The following ROR2 variants were observed in gnomAD, a reference collection of about 807,000 sequenced individuals.
ROR2 encodes the protein tyrosine-protein kinase transmembrane receptor ROR2.
A neutral mutation model predicts 74.9 loss-of-function variants in ROR2; 33 were observed. The observed-to-expected ratio is 0.44, with a 90% confidence interval of 0.33 to 0.59. The LOEUF is 0.59. ROR2 is among the 20% of genes least tolerant of loss of function. The probability of loss-of-function intolerance (pLI) is 0.02; values close to 1 mark genes in which losing one functional copy is unlikely to be tolerated. For missense variants in ROR2, 1,216 were observed against 1,313.8 expected, an observed-to-expected ratio of 0.93 and a Z score of 1.15; for synonymous variants, 586 against 558.7, an observed-to-expected ratio of 1.05 and a Z score of -0.69.
intron 1 of ROR2, among the ~76,000 whole-genome samples, chr9:91,847,566 A>AAC (rs1456566720): frequency 6.6e-6 from 1 of 152,204 alleles, no homozygotes; most frequent in Non-Finnish European, 1.5e-5. Flanking sequence ...CTCATACAGC[A>AAC]ACAGTTCCAG....
intron 1 of ROR2, among the ~76,000 whole-genome samples, chr9:91,831,154 G>A (rs552346176): frequency 2.0e-5 from 3 of 151,896 alleles, no homozygotes; most frequent in South Asian, 2.1e-4. Flanking sequence ...CCACCTACTC[G>A]GGAGGCTGAG....
intron 1 of ROR2, among the ~76,000 whole-genome samples, chr9:91,863,683 T>C (rs550112691): frequency 6.6e-6 from 1 of 152,216 alleles, no homozygotes; most frequent in African/African-American, 2.4e-5. Flanking sequence ...ACTCCGTTTA[T>C]ATGAAATGTC....
intron 1 of ROR2, among the ~76,000 whole-genome samples, chr9:91,796,143 T>G (rs1340520465): frequency 6.6e-6 from 1 of 152,138 alleles, no homozygotes; most frequent in Admixed American, 6.6e-5. Flanking sequence ...ATCTGTATGC[T>G]TCTAAAGAAC....
chr9:91,826,010 T>A (rs982101957), intron 1 of ROR2, among the ~76,000 whole-genome samples: 3 of 152,242 alleles, frequency 2.0e-5, no homozygotes, highest in African/African-American at 7.2e-5. Context: ...ACTGGGTGGC[T>A]TCGCCCCCCT....
In ROR2 at chr9:91,808,578, C is replaced by T. The variant is rs557895797; in HGVS notation, c.98-32760G>A. ...GGTGGAGCTTGCAGTGAGCCGAGAT[C>T]GTGCCACTGCACTCCAGCCTGGTGA... On this transcript the variant is annotated intron_variant, in intron 1 of 8. Coordinates refer to ENST00000375708, the MANE Select transcript of ROR2 (RefSeq NM_004560.4). Among the ~76,000 whole-genome samples the T allele has an allele frequency of 2.6e-5, 4 of 151,880 alleles. No individual in the cohort carries two copies. In the South Asian group the frequency reaches 6.2e-4, roughly 24 times the overall value.
At chr9:91,893,348 G>A (rs894188846) in intron 1 of ROR2, among the ~76,000 whole-genome samples, 1 of 152,124 alleles carries the variant, frequency 6.6e-6, no homozygotes, top group Non-Finnish European at 1.5e-5. Context: ...GCCGAGGCAG[G>A]AGAATTGCTT....
At chr9:91,861,512 T>C (rs781549382) in intron 1 of ROR2, among the ~76,000 whole-genome samples, 8 of 152,172 alleles carry the variant, frequency 5.3e-5, no homozygotes, top group Non-Finnish European at 7.3e-5. Context: ...AGAGAAAGAA[T>C]AGTCTCTTCA....
intron 2 of ROR2, among the ~76,000 whole-genome samples, chr9:91,760,673 T>A (rs1313610703): frequency 6.6e-6 from 1 of 152,048 alleles, no homozygotes; most frequent in African/African-American, 2.4e-5. Context: ...CTGTTACTTT[T>A]TGAGGGCAAT....
chr9:91,878,056 G>T (rs980412716), intron 1 of ROR2, among the ~76,000 whole-genome samples: 1 of 145,146 alleles, frequency 6.9e-6, no homozygotes, highest in African/African-American at 2.8e-5. Context: ...ACTTCACAGG[G>T]ACCCAGTACT....
rs1441274206 is a variant in ROR2, at chr9:91,723,785, A to G, written c.2709T>C (p.Asp903=). The change falls in exon 9 of 9, where the codon GAT becomes GAC. Residue 903 remains aspartate, a synonymous_variant. Coordinates refer to ENST00000375708, the MANE Select transcript of ROR2 (RefSeq NM_004560.4). ...CTTCCTGCACGGTGCTCTGGGCCCC[A>G]TCTTCTGGGGCGTTCTGTGTGTCAT... is the stretch of plus-strand genomic sequence containing the variant. ...GADDTQNAPE[D]GAQSTVQEAE... is the part of the protein sequence containing the mutation. 6.2e-7 allele frequency: 1 copy of G among 1,613,648 alleles called. No homozygotes were observed. The highest frequency in any genetic ancestry group is 8.5e-7 in the Non-Finnish European group (1 of 1,179,990).
At position 91,907,768 on chromosome 9, in the gene ROR2, CT is replaced by C. The variant is rs1830857606; in HGVS notation, c.97+42098del. 3.3e-5 allele frequency among the ~76,000 whole-genome samples: 5 copies of C among 152,340 alleles called. No individual in the cohort carries two copies. The South Asian group carries it at 1.0e-3, about 32-fold the overall frequency. On this transcript the variant is annotated intron_variant, in intron 1 of 8. Coordinates refer to ENST00000375708, the MANE Select transcript of ROR2 (RefSeq NM_004560.4). ...CCTCATACTTAACAGGAGCATTTCT[CT>C]TCCCAGTGGACCCAAGAATGCAGTA...
chr9:91,933,970 C>T (rs1297802003), intron 1 of ROR2, among the ~76,000 whole-genome samples: 1 of 152,148 alleles, frequency 6.6e-6, no homozygotes, highest in Non-Finnish European at 1.5e-5. Context: ...GAATTGTTCA[C>T]TTTAACATGA....
intron 1 of ROR2, among the ~76,000 whole-genome samples, chr9:91,858,664 C>T (rs772520845): frequency 3.3e-5 from 5 of 152,186 alleles, no homozygotes; most frequent in Admixed American, 6.5e-5. Flanking sequence ...ATTGTCACTT[C>T]GCTTAAGGAC....
intron 1 of ROR2, among the ~76,000 whole-genome samples, chr9:91,912,329 A>G (rs1831014826): frequency 1.3e-5 from 2 of 152,214 alleles, no homozygotes; most frequent in Admixed American, 1.3e-4. Flanking sequence ...ACTTATTAGT[A>G]CAGTAGCAAA....
At chr9:91,888,025 C>G (rs1227718029) in intron 1 of ROR2, among the ~76,000 whole-genome samples, 7 of 151,984 alleles carry the variant, frequency 4.6e-5, no homozygotes. Flanking sequence ...CTCCTGACCT[C>G]GTGATCTGCC....
chr9:91,750,732 C>T (rs894017059), intron 4 of ROR2, among the ~76,000 whole-genome samples: 1 of 152,084 alleles, frequency 6.6e-6, no homozygotes, highest in African/African-American at 2.4e-5. Flanking sequence ...CTGTGCATGT[C>T]CAAGAATGAC....
At position 91,816,331 on chromosome 9, in the gene ROR2, G is replaced by A. The variant is rs773000545; in HGVS notation, c.98-40513C>T. Among the ~76,000 whole-genome samples the A allele has an allele frequency of 6.6e-5, 10 of 152,190 alleles. No individual in the cohort carries two copies. In the East Asian group the frequency reaches 1.2e-3, roughly 18 times the overall value. Reference sequence around the variant, plus strand: ...CCTCCTTGCTGAAACCCTCCAAGGCGTTTCCACCTACCTCAACTAAGCTCC... The same window carrying A: ...CCTCCTTGCTGAAACCCTCCAAGGCATTTCCACCTACCTCAACTAAGCTCC... On this transcript the variant is annotated intron_variant, in intron 1 of 8. Transcript: ENST00000375708.
chr9:91,852,651 C>CACACACACACA (rs1231343818), intron 1 of ROR2, among the ~76,000 whole-genome samples: 3,961 of 143,108 alleles, frequency 0.028, 84 homozygotes, highest in African/African-American at 0.04. Context: ...ACACACACAC[C>CACACACACACA]CACACACACA....
chr9:91,903,346 T>C (rs1478466356), intron 1 of ROR2, among the ~76,000 whole-genome samples: 1 of 152,036 alleles, frequency 6.6e-6, no homozygotes, highest in Non-Finnish European at 1.5e-5. Context: ...CAAGAAAGTC[T>C]GGGAAGGGTG....
Sources: allele counts gnomAD v4.1 joint callset (sites outside exome capture counted in the v4.1 genomes callset), GRCh38; gene constraint gnomAD v4.1.1; transcripts MANE v1.5; gene names NCBI Gene and HGNC (gene_info 2026-07-23, HGNC 2026-07-21).